The following FAM20A variants were observed in gnomAD, a reference collection of about 807,000 sequenced individuals.
The protein encoded by FAM20A is FAM20A golgi associated secretory pathway pseudokinase.
Under a neutral mutation model 52.0 loss-of-function variants are expected in FAM20A, and 42 were observed. That is an observed-to-expected ratio of 0.81 (90% CI 0.63 to 1.04). FAM20A has a LOEUF of 1.04. FAM20A is among the 50% of genes least tolerant of loss of function. The probability of loss-of-function intolerance (pLI) is 0.00; values close to 1 mark genes in which losing one functional copy is unlikely to be tolerated. For synonymous variants in FAM20A, 304 were observed against 298.9 expected (o/e 1.02, Z -0.18); for missense variants, 742 against 712.7 (o/e 1.04, Z -0.47).
chr17:68,539,612 C>T (rs1027219828), intron 9 of FAM20A, among the ~76,000 whole-genome samples: 1 of 152,238 alleles, frequency 6.6e-6, no homozygotes, highest in Non-Finnish European at 1.5e-5. Flanking sequence ...TCACTAGCTG[C>T]AGAGGGCCAG....
intron 1 of FAM20A, among the ~76,000 whole-genome samples, chr17:68,584,253 G>C (rs897653053): frequency 6.6e-6 from 1 of 152,080 alleles, no homozygotes; most frequent in African/African-American, 2.4e-5. Context: ...GGAGGTGGAG[G>C]TTGCAGTGAG....
intron 1 of FAM20A, chr17:68,589,983 C>T (rs1267340582): frequency 6.6e-6 from 1 of 152,200 alleles, no homozygotes; most frequent in Admixed American, 6.5e-5. Flanking sequence ...CTTTTAACAG[C>T]TCACTTTGCA....
chr17:68,545,461 C>T (rs2086505231), intron 4 of FAM20A, among the ~76,000 whole-genome samples: 7 of 152,170 alleles, frequency 4.6e-5, no homozygotes, highest in Admixed American at 4.6e-4. Flanking sequence ...TATGCAATAG[C>T]ATTATGTCTG....
rs1434291015 is a variant in FAM20A at position 68,601,028 on chromosome 17, G to GCGGGCGGA, written c.-370_-363dup. On this transcript the variant is annotated 5_prime_UTR_variant, in exon 1 of 11. Transcript: ENST00000592554. Reference sequence around the variant, plus strand: ...CGGGGCGCCGGCGCCGGCTGCCACCGCGGGCGGACGGGCGACGGGGCGGGG... The same window carrying GCGGGCGGA: ...CGGGGCGCCGGCGCCGGCTGCCACCGCGGGCGGACGGGCGGACGGGCGACGGGGCGGGG... 1 of 152,934 alleles carries GCGGGCGGA rather than the reference G, an allele frequency of 6.5e-6. No individual in the cohort carries two copies. The highest frequency in any genetic ancestry group is 1.4e-5 in the Non-Finnish European group (1 of 69,166). The allele number at this position is 152,934 out of a possible 1,614,324, so 9.5% of individuals were successfully genotyped here.
Position 68,537,855 on chromosome 17 carries a change from TG to T in FAM20A, c.1362-115del. The stretch of plus-strand genomic sequence containing the variant: ...CTGATACTCTTGGCGCCTCTCCTTG[TG>T]TCTTCTCAGGCACATTTTAATGGAA... On this transcript the variant is annotated intron_variant, in intron 10 of 10. Coordinates refer to ENST00000592554, the MANE Select transcript of FAM20A (RefSeq NM_017565.4). The surrounding 1 kb of genome is among the most constrained non-coding windows in gnomAD (Gnocchi z 4.2). 1 of 1,199,292 alleles carries T rather than the reference TG, an allele frequency of 8.3e-7. No homozygotes were observed. Among genetic ancestry groups the T allele is most frequent in the Non-Finnish European group, 1.2e-6 (1 of 839,248 alleles). 74.3% of individuals were successfully genotyped at this position (1,199,292 alleles called of 1,614,324 possible).
At position 68,551,876 on chromosome 17, in the gene FAM20A, A is replaced by T. The variant is rs749224297; in HGVS notation, c.716T>A (p.Met239Lys). Residue 239 changes from methionine to lysine, a missense_variant, in exon 4 of 11, where the codon ATG (methionine) becomes AAG (lysine). Met to Lys is a moderately conservative substitution (Grantham distance 95, BLOSUM62 -1). Coordinates refer to ENST00000592554, the MANE Select transcript of FAM20A (RefSeq NM_017565.4). The stretch of plus-strand genomic sequence containing the variant: ...AAGGAGGAAGGCAGTCACTTACCTC[A>T]TGGGTTTGAACATGGCCTTCCCGAA... ...SDFGKAMFKP[M>K]RQQRDEETPV... 1 of 1,579,510 alleles carries T rather than the reference A, an allele frequency of 6.3e-7. No homozygotes were observed. Among genetic ancestry groups the T allele is most frequent in the Non-Finnish European group, 8.6e-7 (1 of 1,160,586 alleles).
At chr17:68,555,432 T>C in intron 2 of FAM20A, 127 bp downstream of exon 2, 1 of 1,028,468 alleles carries the variant, frequency 9.7e-7, no homozygotes, top group East Asian at 2.4e-5. Context: ...TCAATGCATA[T>C]GTTCCTCTTC....
At chr17:68,590,928 T>C (rs2088286743) in intron 1 of FAM20A, among the ~76,000 whole-genome samples, 1 of 112,762 alleles carries the variant, frequency 8.9e-6, no homozygotes, top group South Asian at 3.0e-4. Context: ...TTCCCAGACC[T>C]GGCCCAATGA....
At chr17:68,540,752 T>G (rs1445872557) in intron 8 of FAM20A, 97 bp downstream of exon 8, 1 of 1,458,660 alleles carries the variant, frequency 6.9e-7, no homozygotes, top group Non-Finnish European at 9.3e-7. Flanking sequence ...TACTCAGTCC[T>G]CATGAACCAG....
chr17:68,572,006 ATATATATATATATAT>A (rs1411460322), intron 1 of FAM20A, among the ~76,000 whole-genome samples: 1 of 40,292 alleles, frequency 2.5e-5, no homozygotes, highest in African/African-American at 8.9e-5. Flanking sequence ...ATATATATAT[ATATATATATATATAT>A]ATATATATAT....
intron 5 of FAM20A, among the ~76,000 whole-genome samples, chr17:68,543,219 C>T (rs772571038): frequency 2.6e-5 from 4 of 152,078 alleles, no homozygotes; most frequent in Non-Finnish European, 4.4e-5. Flanking sequence ...CATGACGCTA[C>T]AGACCACACT....
At chr17:68,538,999 C>T (rs1394500094) in intron 10 of FAM20A, among the ~76,000 whole-genome samples, 1 of 152,164 alleles carries the variant, frequency 6.6e-6, no homozygotes, top group Non-Finnish European at 1.5e-5. Context: ...TAGCCTCCTG[C>T]ACTCTTAGGC....
intron 1 of FAM20A, among the ~76,000 whole-genome samples, chr17:68,586,536 T>G (rs1568780078): frequency 6.6e-6 from 1 of 152,116 alleles, no homozygotes; most frequent in African/African-American, 2.4e-5. Context: ...AAGACCCACA[T>G]AGAGGAGGAG....
chr17:68,587,562 A>G (rs533063017), intron 1 of FAM20A, among the ~76,000 whole-genome samples: 2 of 152,296 alleles, frequency 1.3e-5, no homozygotes, highest in South Asian at 4.1e-4. Flanking sequence ...GGCAGCACCT[A>G]TGTTTCCTGC....
At chr17:68,544,672 A>G (rs1008525886) in intron 4 of FAM20A, among the ~76,000 whole-genome samples, 5 of 152,200 alleles carry the variant, frequency 3.3e-5, no homozygotes, top group Non-Finnish European at 5.9e-5. Context: ...TGCTGCCAAA[A>G]GTAGAGATTC....
At position 68,551,911 on chromosome 17, in the gene FAM20A, C is replaced by G; in HGVS notation, c.681G>C (p.Arg227Ser). 6.3e-7 allele frequency: 1 copy of G among 1,591,400 alleles called. No homozygotes were observed. The highest frequency in any genetic ancestry group is 1.1e-5 in the South Asian group (1 of 87,502). The change falls in exon 4 of 11, where the codon AGG becomes AGC. Residue 227 changes from arginine to serine, a missense_variant. Arg to Ser is a moderately radical substitution (Grantham distance 110). Coordinates refer to ENST00000592554, the MANE Select transcript of FAM20A (RefSeq NM_017565.4). The part of the protein sequence containing the change: ...PSGVHLKLVL[R>S]FSDFGKAMFK... ...ACATGGCCTTCCCGAAATCCGAGAA[C>G]CTCAGCACCAGCTTGAGGTGGACCC...
rs145258230 is a variant in FAM20A, at chr17:68,537,722, A to G, written c.1381T>C (p.Leu461=). 188 of 1,612,558 alleles carry G rather than the reference A, an allele frequency of 1.2e-4. No homozygotes were observed. The African/African-American group carries it at 2.2e-3, about 19-fold the overall frequency. Residue 461 remains leucine (L), a synonymous_variant, in exon 11 of 11, where the codon TTG becomes CTG. Coordinates refer to ENST00000592554, the MANE Select transcript of FAM20A (RefSeq NM_017565.4). The surrounding 1 kb of genome is among the most constrained non-coding windows in gnomAD (Gnocchi z 4.2). ...GCTTGGGCCAGCAGCTGCAGGTGCA[A>G]AAGTGTTTTCTTTTTTATCCTGAAA... is the stretch of plus-strand genomic sequence containing the variant. ...QCCMIKKKTL[L]HLQLLAQADY...
chr17:68,569,547 T>G (rs1291646547), intron 1 of FAM20A, among the ~76,000 whole-genome samples: 6 of 152,250 alleles, frequency 3.9e-5, no homozygotes, highest in Non-Finnish European at 5.9e-5. Flanking sequence ...CAATAGCTAC[T>G]AGCCACATGT....
Position 68,600,177 on chromosome 17 carries a change from C to G in FAM20A, c.404+86G>C. ...GGGTGGAGCCGCTGCAGCCCTGGGCCGGGGGCGTCAGGAAACTCGAGACTG... is the reference window on the plus strand; with the variant it reads ...GGGTGGAGCCGCTGCAGCCCTGGGCGGGGGGCGTCAGGAAACTCGAGACTG... On this transcript the variant is annotated intron_variant, in intron 1 of 10. Transcript: ENST00000592554. The surrounding 1 kb of genome is among the most constrained non-coding windows in gnomAD (Gnocchi z 6.2). 1 of 1,466,740 alleles carries G rather than the reference C, an allele frequency of 6.8e-7. No individual in the cohort carries two copies. The highest frequency in any genetic ancestry group is 2.5e-5 in the East Asian group (1 of 40,374). 90.9% of individuals were successfully genotyped at this position (1,466,740 alleles called of 1,614,324 possible).
Sources: gnomAD v4.1 joint callset for allele counts (sites outside exome capture counted in the v4.1 genomes callset) on GRCh38, gnomAD v4.1.1 for gene constraint, Gnocchi (gnomAD v3.1) non-coding constraint, MANE v1.5 for transcripts, NCBI Gene and HGNC (gene_info 2026-07-23, HGNC 2026-07-21) for gene names.